Variants in CEP128 observed in about 807,000 individuals in gnomAD.
CEP128 encodes centrosomal protein 128.
A neutral mutation model predicts 156.7 loss-of-function variants in CEP128; 132 were observed. The observed-to-expected ratio is 0.84, with a 90% CI of 0.73 to 0.97. CEP128 has a LOEUF of 0.97. Among genes scored for constraint, CEP128 ranks in the 50% least tolerant of loss-of-function variants. CEP128 has a pLI of 0.00. For missense variants in CEP128, 1,252 were observed against 1,281.9 expected (o/e 0.98, Z 0.36); for synonymous variants, 469 against 448.9 (o/e 1.04, Z -0.57).
chr14:80,743,876 C>T (rs76615117), intron 18 of CEP128, among the ~76,000 whole-genome samples: 4 of 143,404 alleles, frequency 2.8e-5, no homozygotes, highest in African/African-American at 2.5e-5. Flanking sequence ...CTCTCTCACT[C>T]TTTTTTTTTT....
At chr14:80,898,494 T>C (rs1183579587) in intron 7 of CEP128, among the ~76,000 whole-genome samples, 1 of 152,172 alleles carries the variant, frequency 6.6e-6, no homozygotes, top group African/African-American at 2.4e-5. Context: ...ACAAAAACTA[T>C]TACCAGATAC....
chr14:80,813,021 T>C (rs1221228878), intron 13 of CEP128, among the ~76,000 whole-genome samples: 2 of 152,244 alleles, frequency 1.3e-5, no homozygotes, highest in Non-Finnish European at 2.9e-5. Context: ...TGTCTTCTTT[T>C]GAGAAGTGTC....
chr14:80,543,571 ACCAC>A (rs1889858515), intron 21 of CEP128, among the ~76,000 whole-genome samples: 9 of 152,244 alleles, frequency 5.9e-5, no homozygotes. Flanking sequence ...TGAATCTTCA[ACCAC>A]TGGCTGTGAA....
At chr14:80,551,045 G>A (rs187948082) in intron 21 of CEP128, among the ~76,000 whole-genome samples, 239 of 152,136 alleles carry the variant, frequency 1.6e-3, no homozygotes, top group African/African-American at 5.5e-3. Flanking sequence ...TTATAACAAT[G>A]TTACTCAATT....
At chr14:80,830,249 T>C (rs1318798795) in intron 13 of CEP128, 2 of 645,328 alleles carry the variant, frequency 3.1e-6, no homozygotes, top group Non-Finnish European at 5.6e-6. Flanking sequence ...ATCCAAATCT[T>C]GAACCAAATT....
intron 14 of CEP128, among the ~76,000 whole-genome samples, chr14:80,480,497 C>T (rs1391948403): frequency 3.3e-5 from 5 of 152,118 alleles, no homozygotes; most frequent in South Asian, 2.1e-4. Flanking sequence ...AGTCCCTAGG[C>T]TGCATACAAC....
chr14:80,945,106 C>G (rs1310216854), upstream of CEP128, among the ~76,000 whole-genome samples: 1 of 152,102 alleles, frequency 6.6e-6, no homozygotes, highest in East Asian at 1.9e-4. Context: ...TCCCACAATT[C>G]TGAAGGCTGC....
At chr14:80,628,040 G>A (rs1281382887) in intron 19 of CEP128, among the ~76,000 whole-genome samples, 4 of 152,052 alleles carry the variant, frequency 2.6e-5, no homozygotes, top group East Asian at 1.9e-4. Context: ...GGGAGTAAGC[G>A]TACTAGTGAA....
At chr14:80,824,421 C>A (rs537815621) in intron 13 of CEP128, among the ~76,000 whole-genome samples, 84 of 152,334 alleles carry the variant, frequency 5.5e-4, no homozygotes, top group Non-Finnish European at 1.1e-3. Context: ...TGTCAGGCTG[C>A]AAATTCTCCA....
At chr14:80,617,217 A>ATTTTTTTT (rs1555382736) in intron 19 of CEP128, among the ~76,000 whole-genome samples, 7 of 43,124 alleles carry the variant, frequency 1.6e-4, no homozygotes, top group Admixed American at 3.2e-4. Flanking sequence ...TGTGAATATC[A>ATTTTTTTT]TCTTTTTTTT....
chr14:80,858,604 C>G (rs1440088637), intron 9 of CEP128, among the ~76,000 whole-genome samples: 1 of 142,018 alleles, frequency 7.0e-6, no homozygotes, highest in Non-Finnish European at 1.5e-5. Flanking sequence ...TCAGAGTGAA[C>G]AGGCAACCTA....
In CEP128 at chr14:80,665,191, T is replaced by C. The variant is rs148001325; in HGVS notation, c.2806+77884A>G. 5.8e-3 allele frequency among the ~76,000 whole-genome samples: 881 copies of C among 152,314 alleles called. 1 individual carries two copies. The highest frequency in any genetic ancestry group is 0.044 in the Middle Eastern group (13 of 294). On this transcript the variant is annotated intron_variant, in intron 19 of 24. Transcript: ENST00000555265. The stretch of plus-strand genomic sequence containing the variant: ...GCAAGTAGATTGGGAGCAGTGCTGC[T>C]TTACATGACTAGGGGCCAGTGGGGT...
intron 14 of CEP128, among the ~76,000 whole-genome samples, chr14:80,788,422 T>C (rs1566626809): frequency 1.3e-5 from 2 of 151,562 alleles, no homozygotes; most frequent in Non-Finnish European, 2.9e-5. Flanking sequence ...ATTTGGATTA[T>C]AGATTGTAGA....
chr14:80,672,789 T>A (rs1389379952), intron 19 of CEP128, among the ~76,000 whole-genome samples: 1 of 152,176 alleles, frequency 6.6e-6, no homozygotes, highest in Non-Finnish European at 1.5e-5. Flanking sequence ...AATTTAAAAC[T>A]ACTATAGCAT....
chr14:80,869,503 T>C (rs1887926021), intron 8 of CEP128, among the ~76,000 whole-genome samples: 1 of 151,768 alleles, frequency 6.6e-6, no homozygotes, highest in African/African-American at 2.4e-5. Flanking sequence ...TAGAAAAAGA[T>C]CTCAAATAAA....
chr14:80,719,871 G>A (rs1320463690), intron 19 of CEP128, among the ~76,000 whole-genome samples: 2 of 152,172 alleles, frequency 1.3e-5, no homozygotes, highest in Admixed American at 1.3e-4. Context: ...ATGGTCCCTG[G>A]CCTTAGAGAA....
chr14:80,878,182 T>A (rs368292631), intron 8 of CEP128, among the ~76,000 whole-genome samples: 37 of 152,204 alleles, frequency 2.4e-4, no homozygotes, highest in African/African-American at 7.5e-4. Context: ...TGACACCATA[T>A]ACCCAGGAAT....
intron 2 of CEP128, among the ~76,000 whole-genome samples, chr14:80,949,419 T>C (rs545053931): frequency 2.0e-5 from 3 of 152,052 alleles, no homozygotes; most frequent in Non-Finnish European, 4.4e-5. Flanking sequence ...CATGGAAGAT[T>C]CAGCAGAGTA....
chr14:80,640,828 A>C (rs548688123), intron 19 of CEP128, among the ~76,000 whole-genome samples: 1 of 152,194 alleles, frequency 6.6e-6, no homozygotes, highest in Non-Finnish European at 1.5e-5. Context: ...CTTGGCCCAC[A>C]TATCTTAAGG....
Sources: allele counts gnomAD v4.1 joint callset (sites outside exome capture counted in the v4.1 genomes callset), GRCh38; gene constraint gnomAD v4.1.1; transcripts MANE v1.5; gene names NCBI Gene and HGNC (gene_info 2026-07-23, HGNC 2026-07-21).